The following EFEMP1 variants were observed in gnomAD, a reference collection of about 807,000 sequenced individuals.
The protein encoded by EFEMP1 is EGF-containing fibulin-like extracellular matrix protein 1.
In EFEMP1, 18 loss-of-function variants were observed where a neutral mutation model predicts 65.7. The ratio of observed to expected loss-of-function variants is 0.27; its 90% CI spans 0.19 to 0.41. EFEMP1 has a LOEUF of 0.41. Ranked by LOEUF, EFEMP1 falls within the 10% of genes least tolerant of loss-of-function variation. The pLI is 1.00. For synonymous variants in EFEMP1, 237 were observed against 219.7 expected, an observed-to-expected ratio of 1.08 and a Z score of -0.70; for missense variants, 469 against 624.8, an observed-to-expected ratio of 0.75 and a Z score of 2.66.
At chr2:55,894,826 A>G (rs1419964018) in intron 5 of EFEMP1, among the ~76,000 whole-genome samples, 6 of 152,226 alleles carry the variant, frequency 3.9e-5, no homozygotes, top group Admixed American at 2.0e-4. Context: ...AAAGAACTTA[A>G]GGCCCAAGGA....
At chr2:55,869,643 A>G (rs1330925874) in intron 11 of EFEMP1, among the ~76,000 whole-genome samples, 2 of 152,200 alleles carry the variant, frequency 1.3e-5, no homozygotes, top group African/African-American at 4.8e-5. Flanking sequence ...AAACTGTACC[A>G]CAAGGATGAA....
intron 6 of EFEMP1, among the ~76,000 whole-genome samples, chr2:55,880,975 T>A (rs554966878): frequency 6.6e-6 from 1 of 152,338 alleles, no homozygotes; most frequent in South Asian, 2.1e-4. Context: ...TGAACTTGGC[T>A]TTGTACTCAT....
chr2:55,873,238 G>A lies in EFEMP1; in HGVS notation c.1000+1708C>T, dbSNP rs55784446. 0.17 allele frequency among the ~76,000 whole-genome samples: 26,236 copies of A among 151,912 alleles called. 2,783 individuals carry two copies. Among genetic ancestry groups the A allele is most frequent in the South Asian group, 0.31 (1,474 of 4,822 alleles). ...ACAAGGCTCAGAAGGAACGATTTCC[G>A]TAGGAGAAAGCAATTGCTTTATACT... is the stretch of plus-strand genomic sequence containing the variant. On this transcript the variant is annotated intron_variant, in intron 9 of 11. Transcript: ENST00000355426. This position sits in a 1 kb window ranked among gnomAD's most constrained non-coding sequence, Gnocchi z 4.6.
chr2:55,917,246 G>A lies in EFEMP1; in HGVS notation c.517+419C>T, dbSNP rs1232442099. The stretch of plus-strand genomic sequence containing the variant: ...ACTTTGGCACCCGCCTTCCTGGGTT[G>A]GAAGGTCAGCTCTGCACTTAGCACC... On this transcript the variant is annotated intron_variant, in intron 5 of 11. Transcript: ENST00000355426. The surrounding 1 kb of genome is among the most constrained non-coding windows in gnomAD (Gnocchi z 6.3). 1.3e-5 allele frequency among the ~76,000 whole-genome samples: 2 copies of A among 152,152 alleles called. No homozygotes were observed. The highest frequency in any genetic ancestry group is 4.8e-5 in the African/African-American group (2 of 41,430).
chr2:55,894,549 T>A (rs550290557), intron 5 of EFEMP1, among the ~76,000 whole-genome samples: 35 of 152,334 alleles, frequency 2.3e-4, no homozygotes, highest in African/African-American at 7.7e-4. Flanking sequence ...CTACACCACT[T>A]GTATTTAATG....
chr2:55,917,913 G>T lies in EFEMP1; in HGVS notation c.269C>A (p.Pro90Gln). 6.2e-7 allele frequency: 1 copy of T among 1,614,230 alleles called. No homozygotes were observed. Among genetic ancestry groups the T allele is most frequent in the Non-Finnish European group, 8.5e-7 (1 of 1,180,040 alleles). Residue 90 changes from proline (P) to glutamine (Q), a missense_variant, in exon 5 of 12, where the codon CCA becomes CAA. Transcript: ENST00000355426. The surrounding 1 kb of genome is among the most constrained non-coding windows in gnomAD (Gnocchi z 6.3). ...GGTTGCCCCTGAGGTTCCTTCTGCT[G>T]GTTGTGTTTCCTGCTGAGGCTGTTC... ...NNEQPQQETQ[P>Q]AEGTSGATTG...
chr2:55,869,099 CTG>C (rs1668701756), intron 11 of EFEMP1, among the ~76,000 whole-genome samples: 1 of 152,022 alleles, frequency 6.6e-6, no homozygotes, highest in South Asian at 2.1e-4. Flanking sequence ...GAGAAAAACA[CTG>C]TATTTTGATT....
chr2:55,877,677 A>T lies in EFEMP1; in HGVS notation c.760+69T>A. The T allele has an allele frequency of 6.2e-7, 1 of 1,607,450 alleles. No individual in the cohort carries two copies. Among genetic ancestry groups the T allele is most frequent in the East Asian group, 2.2e-5 (1 of 44,668 alleles). On this transcript the variant is annotated intron_variant, in intron 7 of 11. Transcript: ENST00000355426. This position sits in a 1 kb window ranked among gnomAD's most constrained non-coding sequence, Gnocchi z 4.5. ...TTTACTCAAGAACATAGAAAACTGG[A>T]AATACTGCAACATGGCATGGGGTTT... is the stretch of plus-strand genomic sequence containing the variant.
At position 55,921,367 on chromosome 2, in the gene EFEMP1, T is replaced by C. The variant is rs1247789409; in HGVS notation, c.81+993A>G. The stretch of plus-strand genomic sequence containing the variant: ...TACTAACATTCTAGGGATAATGTGG[T>C]ACCAAAAAGTGAGATAATGTTTATT... On this transcript the variant is annotated intron_variant, in intron 3 of 11. Transcript: ENST00000355426. The surrounding 1 kb of genome is among the most constrained non-coding windows in gnomAD (Gnocchi z 4.1). 6.6e-6 allele frequency among the ~76,000 whole-genome samples: 1 copy of C among 152,224 alleles called. No homozygotes were observed.
intron 5 of EFEMP1, among the ~76,000 whole-genome samples, chr2:55,893,208 A>G (rs539389023): frequency 6.6e-6 from 1 of 152,254 alleles, no homozygotes; most frequent in African/African-American, 2.4e-5. Flanking sequence ...TAGTATTTTT[A>G]AGTTCTAAGT....
In EFEMP1 at chr2:55,873,763, T is replaced by C. The variant is rs2104376132; in HGVS notation, c.1000+1183A>G. 6.6e-6 allele frequency among the ~76,000 whole-genome samples: 1 copy of C among 152,152 alleles called. No homozygotes were observed. Among genetic ancestry groups the C allele is most frequent in the South Asian group, 2.1e-4 (1 of 4,824 alleles). On this transcript the variant is annotated intron_variant, in intron 9 of 11. Coordinates refer to ENST00000355426, the MANE Select transcript of EFEMP1 (RefSeq NM_001039348.3). The surrounding 1 kb of genome is among the most constrained non-coding windows in gnomAD (Gnocchi z 4.6). Reference sequence around the variant, plus strand: ...TGGTTGGAGTCTAGTCGAAAAATTGTGTGCCTATTATAAAATCCCAGGTAA... The same window carrying C: ...TGGTTGGAGTCTAGTCGAAAAATTGCGTGCCTATTATAAAATCCCAGGTAA...
intron 5 of EFEMP1, among the ~76,000 whole-genome samples, chr2:55,914,708 A>G (rs1033235927): frequency 2.0e-5 from 3 of 152,216 alleles, no homozygotes; most frequent in African/African-American, 7.2e-5. Flanking sequence ...AATAAGACTC[A>G]TCTGTAAGAT....
chr2:55,922,264 A>C lies in EFEMP1; in HGVS notation c.81+96T>G. On this transcript the variant is annotated intron_variant, in intron 3 of 11. Coordinates refer to ENST00000355426, the MANE Select transcript of EFEMP1 (RefSeq NM_001039348.3). This position sits in a 1 kb window ranked among gnomAD's most constrained non-coding sequence, Gnocchi z 5.5. ...TTGTTTAATTTATCACCCTCAGCAGAGTATAGCCCAAATACACTGGCAGGG... is the reference window on the plus strand; with the variant it reads ...TTGTTTAATTTATCACCCTCAGCAGCGTATAGCCCAAATACACTGGCAGGG... The C allele has an allele frequency of 1.8e-6, 2 of 1,099,882 alleles. No homozygotes were observed. The highest frequency in any genetic ancestry group is 1.7e-5 in the Admixed American group (1 of 58,326). 68.1% of individuals were successfully genotyped at this position (1,099,882 alleles called of 1,614,324 possible).
At position 55,885,062 on chromosome 2, in the gene EFEMP1, C is replaced by G. The variant is rs1304303418; in HGVS notation, c.518-3328G>C. Among the ~76,000 whole-genome samples, 1 of 152,232 alleles carries G rather than the reference C, an allele frequency of 6.6e-6. No individual in the cohort carries two copies. The highest frequency in any genetic ancestry group is 1.9e-4 in the East Asian group (1 of 5,190). ...AGTAACAAGGTATATCTGAGAAACA[C>G]AGCAAAATCAGTAAGATGTTAGTAA... On this transcript the variant is annotated intron_variant, in intron 5 of 11. Coordinates refer to ENST00000355426, the MANE Select transcript of EFEMP1 (RefSeq NM_001039348.3). The surrounding 1 kb of genome is among the most constrained non-coding windows in gnomAD (Gnocchi z 4.3).
At position 55,919,915 on chromosome 2, in the gene EFEMP1, T is replaced by C. The variant is rs10201208; in HGVS notation, c.82-1648A>G. Among the ~76,000 whole-genome samples, 7,821 of 152,290 alleles carry C rather than the reference T, an allele frequency of 0.051. 335 individuals carry two copies. Among genetic ancestry groups the C allele is most frequent in the African/African-American group, 0.11 (4,686 of 41,540 alleles). On this transcript the variant is annotated intron_variant, in intron 3 of 11. Transcript: ENST00000355426. The surrounding 1 kb of genome is among the most constrained non-coding windows in gnomAD (Gnocchi z 4.5). ...TTGTGTCCATTTCTACCATGTCTAC[T>C]AAGAAAGGCTTTTGCTGGCCCATGA...
chr2:55,877,687 A>C lies in EFEMP1; in HGVS notation c.760+59T>G. The C allele has an allele frequency of 6.2e-7, 1 of 1,610,242 alleles. No individual in the cohort carries two copies. The highest frequency in any genetic ancestry group is 8.5e-7 in the Non-Finnish European group (1 of 1,177,394). On this transcript the variant is annotated intron_variant, in intron 7 of 11. Transcript: ENST00000355426. This position sits in a 1 kb window ranked among gnomAD's most constrained non-coding sequence, Gnocchi z 4.5. ...AACATAGAAAACTGGAAATACTGCA[A>C]CATGGCATGGGGTTTCCTTTTGTGA...
intron 5 of EFEMP1, among the ~76,000 whole-genome samples, chr2:55,909,556 T>C (rs56268747): frequency 0.055 from 8,395 of 152,212 alleles, 352 homozygotes; most frequent in African/African-American, 0.12. Context: ...AGTATGATTA[T>C]TTCCTCTGAT....
intron 5 of EFEMP1, among the ~76,000 whole-genome samples, chr2:55,909,681 C>T (rs890392331): frequency 2.6e-5 from 4 of 152,282 alleles, no homozygotes; most frequent in East Asian, 1.9e-4. Flanking sequence ...TCTGAGAACA[C>T]GTTTTCTTTT....
At chr2:55,892,751 A>G (rs1367137262) in intron 5 of EFEMP1, among the ~76,000 whole-genome samples, 4 of 152,148 alleles carry the variant, frequency 2.6e-5, no homozygotes, top group African/African-American at 9.7e-5. Context: ...AGGTAGACCC[A>G]AGCCAGTTAT....
Sources: allele counts gnomAD v4.1 joint callset (sites outside exome capture counted in the v4.1 genomes callset), GRCh38; gene constraint gnomAD v4.1.1; non-coding constraint Gnocchi (gnomAD v3.1); transcripts MANE v1.5; gene names NCBI Gene and HGNC (gene_info 2026-07-23, HGNC 2026-07-21).